The following PDE1C variants were observed in gnomAD, a reference collection of about 807,000 sequenced individuals.
PDE1C encodes phosphodiesterase 1C.
PDE1C carries 62 observed loss-of-function variants against 93.1 expected under a neutral mutation model. The ratio of observed to expected loss-of-function variants is 0.67; its 90% CI spans 0.54 to 0.82. The LOEUF (loss-of-function observed/expected upper bound fraction) is 0.82. Among genes scored for constraint, PDE1C ranks in the 40% least tolerant of loss-of-function variants. PDE1C has a pLI of 0.00. For synonymous variants in PDE1C, 325 were observed against 310.1 expected (o/e 1.05, Z -0.50); for missense variants, 742 against 884.6 (o/e 0.84, Z 2.04).
intron 1 of PDE1C, among the ~76,000 whole-genome samples, chr7:32,388,929 G>A (rs1784693234): frequency 6.6e-6 from 1 of 152,086 alleles, no homozygotes; most frequent in Non-Finnish European, 1.5e-5. Flanking sequence ...AAACTCTGAA[G>A]TCAAAAATTT....
chr7:31,668,935 A>G, the PDE1C span, among the ~76,000 whole-genome samples: 1 of 152,168 alleles, frequency 6.6e-6, no homozygotes, highest in South Asian at 2.1e-4. Flanking sequence ...TGAGGTGGGA[A>G]TGAATTTGCT....
intron 1 of PDE1C, among the ~76,000 whole-genome samples, chr7:32,422,588 C>A (rs1000852003): frequency 2.6e-5 from 4 of 151,692 alleles, no homozygotes; most frequent in Non-Finnish European, 5.9e-5. Context: ...ATCATGTATA[C>A]TTGGTTTTCT....
intron 1 of PDE1C, among the ~76,000 whole-genome samples, chr7:32,376,225 C>T (rs1486488906): frequency 6.6e-6 from 1 of 152,030 alleles, no homozygotes; most frequent in Non-Finnish European, 1.5e-5. Context: ...CGTAGTTCTG[C>T]TTACCAGCTG....
chr7:31,916,854 G>A (rs6976613), intron 2 of PDE1C, among the ~76,000 whole-genome samples: 40,041 of 152,066 alleles, frequency 0.26, 5,422 homozygotes, highest in Admixed American at 0.35. Context: ...ACATTTATTG[G>A]CACCCCTTTC....
intron 2 of PDE1C, among the ~76,000 whole-genome samples, chr7:31,978,276 A>G (rs1173343809): frequency 6.6e-6 from 1 of 152,214 alleles, no homozygotes; most frequent in Admixed American, 6.5e-5. Flanking sequence ...CAATTCTGTC[A>G]ACTGAGTCTC....
intron 2 of PDE1C, among the ~76,000 whole-genome samples, chr7:31,921,616 T>C (rs1235077727): frequency 6.6e-6 from 1 of 152,112 alleles, no homozygotes; most frequent in East Asian, 1.9e-4. Context: ...AACCAAAGGG[T>C]TTACTGCTGT....
intron 1 of PDE1C, among the ~76,000 whole-genome samples, chr7:32,296,947 G>T (rs1812634403): frequency 6.6e-6 from 1 of 152,164 alleles, no homozygotes; most frequent in African/African-American, 2.4e-5. Context: ...CTAAATAACT[G>T]ATTCAAGGCA....
At chr7:32,225,787 C>T (rs35316720) in intron 1 of PDE1C, among the ~76,000 whole-genome samples, 18,350 of 152,144 alleles carry the variant, frequency 0.12, 1,197 homozygotes, top group East Asian at 0.23. Flanking sequence ...AGGCCGGGCA[C>T]GGTGGTTCAC....
At chr7:32,334,267 A>T (rs1397312741) in intron 1 of PDE1C, among the ~76,000 whole-genome samples, 1 of 152,154 alleles carries the variant, frequency 6.6e-6, no homozygotes, top group Admixed American at 6.5e-5. Flanking sequence ...GGATCTTTTT[A>T]ATTTTGGATT....
chr7:31,791,371 C>G (rs893187517), intron 16 of PDE1C, among the ~76,000 whole-genome samples: 5 of 152,098 alleles, frequency 3.3e-5, no homozygotes, highest in Non-Finnish European at 7.4e-5. Context: ...TCACTTTACT[C>G]CAATACTAGC....
chr7:32,418,428 T>C (rs1390228651), intron 1 of PDE1C, among the ~76,000 whole-genome samples: 1 of 152,214 alleles, frequency 6.6e-6, no homozygotes, highest in Non-Finnish European at 1.5e-5. Flanking sequence ...GCATGAAGTA[T>C]GCCTGGCACA....
intron 2 of PDE1C, among the ~76,000 whole-genome samples, chr7:32,199,345 C>G (rs1052677340): frequency 6.6e-6 from 1 of 152,106 alleles, no homozygotes; most frequent in Non-Finnish European, 1.5e-5. Context: ...CTGAAAAATT[C>G]TCAGCCACTA....
intron 5 of PDE1C, among the ~76,000 whole-genome samples, chr7:31,875,834 T>TATATATAA (rs1796512695): frequency 7.8e-6 from 1 of 127,930 alleles, no homozygotes; most frequent in Non-Finnish European, 1.6e-5. Flanking sequence ...TATATATATA[T>TATATATAA]AATGGAAAAA....
intron 14 of PDE1C, among the ~76,000 whole-genome samples, chr7:31,817,702 T>A (rs1199492165): frequency 6.6e-6 from 1 of 152,162 alleles, no homozygotes; most frequent in Non-Finnish European, 1.5e-5. Flanking sequence ...TTAGCCTTGG[T>A]CCTAGAAAAA....
chr7:31,635,784 G>C, the PDE1C span, among the ~76,000 whole-genome samples: 1 of 152,016 alleles, frequency 6.6e-6, no homozygotes, highest in Non-Finnish European at 1.5e-5. Context: ...AGGGGAGGGC[G>C]GGGGTCAGAG....
intron 1 of PDE1C, among the ~76,000 whole-genome samples, chr7:32,281,751 T>C (rs1044067089): frequency 1.3e-5 from 2 of 152,194 alleles, no homozygotes; most frequent in Non-Finnish European, 2.9e-5. Context: ...CTATTCACAA[T>C]AGCAAAGACT....
At chr7:32,017,250 G>A (rs1030745477) in intron 2 of PDE1C, among the ~76,000 whole-genome samples, 1 of 152,078 alleles carries the variant, frequency 6.6e-6, no homozygotes, top group African/African-American at 2.4e-5. Context: ...AGAAAATAAT[G>A]GTCTTTTCAA....
At chr7:31,882,287 G>T (rs2128881351) in intron 2 of PDE1C, among the ~76,000 whole-genome samples, 1 of 152,290 alleles carries the variant, frequency 6.6e-6, no homozygotes, top group Non-Finnish European at 1.5e-5. Flanking sequence ...GTCAGCCTTG[G>T]CAATGCCATT....
chr7:31,688,677 T>C, the PDE1C span, among the ~76,000 whole-genome samples: 8 of 152,220 alleles, frequency 5.3e-5, no homozygotes, highest in African/African-American at 1.7e-4. Context: ...AGTATCTCTC[T>C]GTAAAAAGAA....
Sources: allele counts gnomAD v4.1 joint callset (sites outside exome capture counted in the v4.1 genomes callset), GRCh38; gene constraint gnomAD v4.1.1; transcripts MANE v1.5; gene names NCBI Gene and HGNC (gene_info 2026-07-23, HGNC 2026-07-21).